The following ASTN2 variants were observed in gnomAD, a reference collection of about 807,000 sequenced individuals.
ASTN2 encodes astrotactin-2.
ASTN2 carries 54 observed loss-of-function variants against 139.8 expected under a neutral mutation model. The observed-to-expected ratio is 0.39, with a 90% CI of 0.31 to 0.48. ASTN2 has a LOEUF of 0.48. Ranked by LOEUF, ASTN2 falls within the 20% of genes least tolerant of loss-of-function variation. The pLI is 0.95. For synonymous variants in ASTN2, 756 were observed against 719.5 expected (o/e 1.05, Z -0.81); for missense variants, 1,565 against 1,725.1 (o/e 0.91, Z 1.64).
At chr9:117,087,535 T>C (rs1361001149) in intron 5 of ASTN2, among the ~76,000 whole-genome samples, 2 of 152,120 alleles carry the variant, frequency 1.3e-5, no homozygotes, top group Non-Finnish European at 2.9e-5. Flanking sequence ...GTCACTATTG[T>C]TTTTCTAGAA....
At chr9:116,969,000 C>T (rs1040795360) in intron 10 of ASTN2, among the ~76,000 whole-genome samples, 1 of 151,890 alleles carries the variant, frequency 6.6e-6, no homozygotes, top group East Asian at 1.9e-4. Flanking sequence ...TTTTTCTTAT[C>T]CAACATCTAT....
At chr9:117,148,125 C>G (rs959122794) in intron 3 of ASTN2, among the ~76,000 whole-genome samples, 1 of 152,144 alleles carries the variant, frequency 6.6e-6, no homozygotes, top group African/African-American at 2.4e-5. Flanking sequence ...CAGAACTGTA[C>G]TAAGAGAACC....
chr9:117,267,155 A>C (rs1833955867), intron 2 of ASTN2, among the ~76,000 whole-genome samples: 1 of 152,190 alleles, frequency 6.6e-6, no homozygotes, highest in African/African-American at 2.4e-5. Flanking sequence ...TCCAAAAATA[A>C]AAATAAAAAT....
At chr9:117,342,212 A>G (rs1425082323) in intron 1 of ASTN2, among the ~76,000 whole-genome samples, 1 of 152,210 alleles carries the variant, frequency 6.6e-6, no homozygotes, top group Non-Finnish European at 1.5e-5. Flanking sequence ...TCAGGTTCAG[A>G]GACAGGAGAA....
At chr9:116,466,549 G>A (rs1848652300) in intron 20 of ASTN2, among the ~76,000 whole-genome samples, 1 of 152,114 alleles carries the variant, frequency 6.6e-6, no homozygotes, top group Non-Finnish European at 1.5e-5. Flanking sequence ...CCTCCAAGTA[G>A]GGTTTTCTAC....
At chr9:116,854,740 C>T (rs1832694219) in intron 11 of ASTN2, among the ~76,000 whole-genome samples, 1 of 151,622 alleles carries the variant, frequency 6.6e-6, no homozygotes, top group South Asian at 2.1e-4. Flanking sequence ...CAAGCTCCGC[C>T]TCCCGGGTTC....
At chr9:116,737,466 AAT>A (rs900221932) in intron 13 of ASTN2, among the ~76,000 whole-genome samples, 15 of 89,774 alleles carry the variant, frequency 1.7e-4, no homozygotes, top group Non-Finnish European at 2.7e-4. Context: ...TGTGTGTGTG[AAT>A]GTGTGTGTGT....
intron 4 of ASTN2, among the ~76,000 whole-genome samples, chr9:117,118,607 C>T (rs1829463332): frequency 6.6e-6 from 1 of 152,142 alleles, no homozygotes; most frequent in Non-Finnish European, 1.5e-5. Flanking sequence ...CAAACCAAGT[C>T]CTTTCCCTGT....
intron 3 of ASTN2, among the ~76,000 whole-genome samples, chr9:117,194,757 G>A (rs1325022170): frequency 6.6e-6 from 1 of 152,134 alleles, no homozygotes; most frequent in Non-Finnish European, 1.5e-5. Flanking sequence ...TCAAATTCTG[G>A]TTCCATTATT....
intron 11 of ASTN2, among the ~76,000 whole-genome samples, chr9:116,855,913 T>C (rs759024452): frequency 6.6e-6 from 1 of 152,226 alleles, no homozygotes; most frequent in Non-Finnish European, 1.5e-5. Context: ...AGGCCTGATA[T>C]TATTTATAGC....
chr9:116,739,275 C>G (rs1829030371), intron 13 of ASTN2, among the ~76,000 whole-genome samples: 2 of 152,116 alleles, frequency 1.3e-5, no homozygotes, highest in Admixed American at 1.3e-4. Flanking sequence ...TCATGAAGAC[C>G]AGGAGAGAAT....
At chr9:117,030,433 C>G (rs568506404) in intron 6 of ASTN2, among the ~76,000 whole-genome samples, 1 of 152,312 alleles carries the variant, frequency 6.6e-6, no homozygotes, top group South Asian at 2.1e-4. Context: ...TATCAAAACA[C>G]AGAAATTAGT....
intron 10 of ASTN2, among the ~76,000 whole-genome samples, chr9:116,896,065 A>T (rs1397960066): frequency 6.6e-6 from 1 of 152,242 alleles, no homozygotes; most frequent in Non-Finnish European, 1.5e-5. Flanking sequence ...TGTTAAGTGC[A>T]GAAAATCACA....
rs190106819 is a variant in ASTN2, at chr9:117,002,718, C to T, written c.1591+5374G>A. ...TATTCTTTGTCTCTTAATTACATGT[C>T]AGGCATTATGCTGAATTTTAAAGAT... On this transcript the variant is annotated intron_variant, in intron 7 of 22. Transcript: ENST00000313400. 8.7e-3 allele frequency among the ~76,000 whole-genome samples: 1,328 copies of T among 152,304 alleles called. 20 individuals are homozygous for T. The highest frequency in any genetic ancestry group is 0.031 in the African/African-American group (1,272 of 41,572).
chr9:117,378,839 G>GATTACAGTGT lies in ASTN2; in HGVS notation c.442+35657_442+35658insACACTGTAAT, dbSNP rs1370965423. Among the ~76,000 whole-genome samples the GATTACAGTGT allele has an allele frequency of 7.2e-5, 11 of 152,342 alleles. No individual in the cohort carries two copies. In the East Asian group the frequency reaches 2.1e-3, roughly 29 times the overall value. On this transcript the variant is annotated intron_variant, in intron 1 of 22. Coordinates refer to ENST00000313400, the MANE Select transcript of ASTN2 (RefSeq NM_001365068.1). Reference sequence around the variant, plus strand: ...TCAACTGTAATCCTCAGTGTTGGAGGTGGGGCCTAGTGGGAAGTGATTGGA... The same window carrying GATTACAGTGT: ...TCAACTGTAATCCTCAGTGTTGGAGGATTACAGTGTTGGGGCCTAGTGGGAAGTGATTGGA...
Position 116,767,732 on chromosome 9 carries a change from G to A in ASTN2, c.2397-34209C>T, listed in dbSNP as rs370695551. ...ATGCTCAGAACCCTCGTGAGCAGGGGTCCCTGCAGCCAGAACTAGCAGATC... is the reference window on the plus strand; with the variant it reads ...ATGCTCAGAACCCTCGTGAGCAGGGATCCCTGCAGCCAGAACTAGCAGATC... On this transcript the variant is annotated intron_variant, in intron 13 of 22. Transcript: ENST00000313400. Among the ~76,000 whole-genome samples, 21 of 152,300 alleles carry A rather than the reference G, an allele frequency of 1.4e-4. No homozygotes were observed. The East Asian group carries it at 2.1e-3, about 15-fold the overall frequency.
At chr9:116,629,779 G>A (rs1209855686) in intron 17 of ASTN2, among the ~76,000 whole-genome samples, 1 of 152,110 alleles carries the variant, frequency 6.6e-6, no homozygotes, top group African/African-American at 2.4e-5. Flanking sequence ...CTGGGTGACA[G>A]GAAGAAGACA....
At chr9:116,675,100 C>G (rs994087528) in intron 16 of ASTN2, among the ~76,000 whole-genome samples, 1 of 152,154 alleles carries the variant, frequency 6.6e-6, no homozygotes, top group Non-Finnish European at 1.5e-5. Flanking sequence ...CAGTGCCCCC[C>G]CACGCTCCAG....
At chr9:117,044,822 G>T (rs886762030) in intron 5 of ASTN2, among the ~76,000 whole-genome samples, 2 of 152,158 alleles carry the variant, frequency 1.3e-5, no homozygotes, top group Non-Finnish European at 2.9e-5. Context: ...ACAAAACAGC[G>T]AAAGCCCTTG....
Sources: allele counts gnomAD v4.1 joint callset (sites outside exome capture counted in the v4.1 genomes callset), GRCh38; gene constraint gnomAD v4.1.1; transcripts MANE v1.5; gene names NCBI Gene and HGNC (gene_info 2026-07-23, HGNC 2026-07-21).